SYT14: variants seen among roughly 807,000 people sequenced by gnomAD.
SYT14 encodes the protein synaptotagmin-14.
SYT14 carries 32 observed loss-of-function variants against 74.2 expected under a neutral mutation model. The ratio of observed to expected loss-of-function variants is 0.43; its 90% CI spans 0.33 to 0.58. The LOEUF (loss-of-function observed/expected upper bound fraction) is 0.58. Among genes scored for constraint, SYT14 ranks in the 20% least tolerant of loss-of-function variants. The pLI is 0.05. For synonymous variants in SYT14, 298 were observed against 337.7 expected (o/e 0.88, Z 1.29); for missense variants, 791 against 981.8 (o/e 0.81, Z 2.60).
At chr1:210,141,363 T>C (rs1263456917) in intron 7 of SYT14, among the ~76,000 whole-genome samples, 2 of 152,218 alleles carry the variant, frequency 1.3e-5, no homozygotes, top group Non-Finnish European at 2.9e-5. Flanking sequence ...GAGATAAAAT[T>C]GATTTTCATA....
At chr1:210,051,318 G>C (rs2080991300) in intron 5 of SYT14, among the ~76,000 whole-genome samples, 1 of 152,136 alleles carries the variant, frequency 6.6e-6, no homozygotes, top group South Asian at 2.1e-4. Flanking sequence ...AGTATACTGT[G>C]TTCAAAAGTT....
chr1:209,940,631 G>A (rs1413074071), intron 1 of SYT14, among the ~76,000 whole-genome samples: 3 of 151,998 alleles, frequency 2.0e-5, no homozygotes, highest in South Asian at 2.1e-4. Context: ...GTATTTGGCC[G>A]AATATCTGCC....
intron 2 of SYT14, among the ~76,000 whole-genome samples, chr1:210,001,253 A>AT (rs34076794): frequency 1.3e-5 from 2 of 150,790 alleles, no homozygotes; most frequent in Non-Finnish European, 3.0e-5. Context: ...AAATTTGCTA[A>AT]TTTTTTTTTA....
At chr1:210,165,626 C>T (rs1442430218) in exon 10 of SYT14, 2 of 152,106 alleles carry the variant, frequency 1.3e-5, no homozygotes, top group Admixed American at 1.3e-4. Context: ...TTCCTCTGTC[C>T]TCTCATTGCA....
intron 4 of SYT14, among the ~76,000 whole-genome samples, chr1:210,017,488 C>G (rs1384166742): frequency 6.6e-6 from 1 of 152,124 alleles, no homozygotes; most frequent in Non-Finnish European, 1.5e-5. Context: ...GCCCTTTATA[C>G]AGTATTGCTC....
intron 7 of SYT14, among the ~76,000 whole-genome samples, chr1:210,115,099 AGATCTT>A (rs2082333187): frequency 6.6e-6 from 1 of 151,346 alleles, no homozygotes; most frequent in Admixed American, 6.6e-5. Flanking sequence ...AGAATTATCT[AGATCTT>A]GTAGGATGGA....
chr1:210,049,247 C>G (rs1262103937), intron 5 of SYT14, among the ~76,000 whole-genome samples: 1 of 152,148 alleles, frequency 6.6e-6, no homozygotes, highest in African/African-American at 2.4e-5. Flanking sequence ...TGTGTGGGTG[C>G]TTCGACCCCA....
chr1:210,118,478 T>C (rs2082400219), intron 7 of SYT14, among the ~76,000 whole-genome samples: 1 of 152,012 alleles, frequency 6.6e-6, no homozygotes, highest in African/African-American at 2.4e-5. Flanking sequence ...TTGTTTTTTG[T>C]TTTGTTTTTG....
rs191017709 is a variant in SYT14 at position 209,998,328 on chromosome 1, G to A, written c.-485-15305G>A. ...ACCCAAACAAATGGAAAGCCATCCC[G>A]TGCTCATGGATTGGAAGAGTTAATA... On this transcript the variant is annotated intron_variant, in intron 2 of 9. Transcript: ENST00000637265. Among the ~76,000 whole-genome samples, 25 of 152,174 alleles carry A rather than the reference G, an allele frequency of 1.6e-4. No homozygotes were observed. The East Asian group carries it at 4.0e-3, about 25-fold the overall frequency.
chr1:210,022,705 T>C (rs2080328860), intron 5 of SYT14, among the ~76,000 whole-genome samples: 1 of 152,224 alleles, frequency 6.6e-6, no homozygotes, highest in Non-Finnish European at 1.5e-5. Flanking sequence ...GGTACAGTTT[T>C]TAGCATAGTG....
At chr1:209,959,233 C>A (rs1352248540) in intron 2 of SYT14, among the ~76,000 whole-genome samples, 1 of 152,120 alleles carries the variant, frequency 6.6e-6, no homozygotes, top group Non-Finnish European at 1.5e-5. Flanking sequence ...ACCTCCGCCT[C>A]CTGGGTTCAA....
chr1:209,965,255 C>T (rs1386377886), intron 2 of SYT14, among the ~76,000 whole-genome samples: 1 of 152,032 alleles, frequency 6.6e-6, no homozygotes, highest in Non-Finnish European at 1.5e-5. Flanking sequence ...TTTTAGAGTC[C>T]CCGTGTCTAT....
At chr1:209,948,812 T>C (rs577047439) in intron 1 of SYT14, among the ~76,000 whole-genome samples, 12 of 152,332 alleles carry the variant, frequency 7.9e-5, no homozygotes, top group South Asian at 2.1e-4. Context: ...TGTTCTGTCA[T>C]TCTAATATGG....
chr1:210,100,078 T>C, exon 7 of SYT14: 1 of 1,614,164 alleles, frequency 6.2e-7, no homozygotes, highest in Non-Finnish European at 8.5e-7. Context: ...AGAAGCTAAA[T>C]ATGGCACACT....
At chr1:210,079,671 G>A (rs920855113) in intron 5 of SYT14, among the ~76,000 whole-genome samples, 4 of 151,698 alleles carry the variant, frequency 2.6e-5, no homozygotes, top group African/African-American at 9.7e-5. Context: ...TTAGAACACT[G>A]GAAAAAAAAA....
intron 7 of SYT14, among the ~76,000 whole-genome samples, chr1:210,140,760 T>G (rs1379796277): frequency 4.6e-5 from 7 of 152,158 alleles, no homozygotes; most frequent in Non-Finnish European, 1.0e-4. Context: ...AAAAAATCTT[T>G]TTTTCATTTA....
At chr1:210,038,046 C>T (rs2080707054) in intron 5 of SYT14, among the ~76,000 whole-genome samples, 1 of 145,272 alleles carries the variant, frequency 6.9e-6, no homozygotes, top group Non-Finnish European at 1.5e-5. Context: ...ATGTTGCAGT[C>T]CCCCACTATT....
At chr1:209,946,112 G>T (rs986567758) in intron 1 of SYT14, among the ~76,000 whole-genome samples, 9 of 152,206 alleles carry the variant, frequency 5.9e-5, no homozygotes, top group African/African-American at 9.6e-5. Flanking sequence ...GATAAATGTT[G>T]TGTGTGTTCT....
intron 2 of SYT14, among the ~76,000 whole-genome samples, chr1:209,985,861 A>G (rs1300678924): frequency 1.3e-5 from 2 of 152,206 alleles, no homozygotes; most frequent in East Asian, 3.9e-4. Context: ...GCAGCAGCCC[A>G]AGGTATACCT....
Sources: gnomAD v4.1 joint callset for allele counts (sites outside exome capture counted in the v4.1 genomes callset) on GRCh38, gnomAD v4.1.1 for gene constraint, MANE v1.5 for transcripts, NCBI Gene and HGNC (gene_info 2026-07-23, HGNC 2026-07-21) for gene names.